Variants in WDR81 observed in about 807,000 individuals in gnomAD.
WDR81 encodes the protein WD repeat-containing protein 81.
Under a neutral mutation model 140.8 loss-of-function variants are expected in WDR81, and 92 were observed. That is an observed-to-expected ratio of 0.65 (90% CI 0.55 to 0.78). The LOEUF (loss-of-function observed/expected upper bound fraction) is 0.78. Ranked by LOEUF, WDR81 falls within the 30% of genes least tolerant of loss-of-function variation. The probability of loss-of-function intolerance (pLI) is 0.00; values close to 1 mark genes in which losing one functional copy is unlikely to be tolerated. For synonymous variants in WDR81, 1,183 were observed against 1,156.4 expected (o/e 1.02, Z -0.47); for missense variants, 2,502 against 2,636.4 (o/e 0.95, Z 1.12).
Position 1,724,832 on chromosome 17 carries a change from C to T in WDR81, c.-128C>T, listed in dbSNP as rs1250584809. The stretch of plus-strand genomic sequence containing the variant: ...CCTCTTCGCCGCCGCCGGCTTCCTG[C>T]GGCCGCCTCCGCCCCAGCCCCTGTC... On this transcript the variant is annotated 5_prime_UTR_variant, in exon 1 of 10. Transcript: ENST00000409644. 5.8e-6 allele frequency: 7 copies of T among 1,211,218 alleles called. No individual in the cohort carries two copies. Among genetic ancestry groups the T allele is most frequent in the Non-Finnish European group, 7.2e-6 (7 of 974,740 alleles). The allele number at this position is 1,211,218 out of a possible 1,614,324, so 75.0% of individuals were successfully genotyped here.
rs79989352 is a variant in WDR81, at chr17:1,718,852, C to T, written c.-124+2219C>T. Among the ~76,000 whole-genome samples, 1,299 of 152,284 alleles carry T rather than the reference C, an allele frequency of 8.5e-3. 18 individuals are homozygous for T. The highest frequency in any genetic ancestry group is 0.029 in the African/African-American group (1,215 of 41,534). On this transcript the variant is annotated intron_variant, in intron 1 of 10. Transcript: ENST00000309182. ...TTTTCCATTTTGTTCTGAACACTGA[C>T]CCCACCCCCTAGGTCAAAAGCACAG...
chr17:1,716,614 C>G (rs917056245), exon 1 of WDR81: 3 of 1,551,480 alleles, frequency 1.9e-6, no homozygotes, highest in African/African-American at 1.4e-5. Flanking sequence ...CACCGTCGTT[C>G]CCAGAACCCA....
chr17:1,731,246 C>G lies in WDR81; in HGVS notation c.4145C>G (p.Ser1382Cys). The change falls in exon 4 of 10, where the codon TCC becomes TGC. Residue 1382 changes from serine (S) to cysteine (C), a missense_variant. Physicochemically the swap from Ser to Cys is moderately radical, Grantham distance 112. Coordinates refer to ENST00000409644, the MANE Select transcript of WDR81 (RefSeq NM_001163809.2). ...CTGCCCGTGCTCAGCTTCCTCACCT[C>G]CCTCGTCACGGGGTAGGCCTCTGCC... is the stretch of plus-strand genomic sequence containing the variant. Reference protein sequence around the residue: ...VLLPVLSFLTSLVTGFPSGAQ... With the variant: ...VLLPVLSFLTCLVTGFPSGAQ... The G allele has an allele frequency of 6.2e-7, 1 of 1,613,294 alleles. No homozygotes were observed. Among genetic ancestry groups the G allele is most frequent in the African/African-American group, 1.3e-5 (1 of 75,050 alleles).
rs1373586101 is a variant in WDR81, at chr17:1,732,405, G to T, written c.4238G>T (p.Gly1413Val). ...SLIALICLRI[G>V]QEMVQQHLSE... ...ATCGCCCTCATCTGCCTGCGCATTG[G>T]ACAGGAGATGGTCCAGCAGCACCTG... Residue 1413 changes from glycine to valine, a missense_variant, in exon 5 of 10, where the codon GGA (glycine) becomes GTA (valine). Physicochemically the swap from Gly to Val is moderately radical, Grantham distance 109. Transcript: ENST00000409644. 6.2e-7 allele frequency: 1 copy of T among 1,613,642 alleles called. No homozygotes were observed. The highest frequency in any genetic ancestry group is 8.5e-7 in the Non-Finnish European group (1 of 1,180,034).
chr17:1,716,627 G>C, exon 1 of WDR81: 1 of 1,551,694 alleles, frequency 6.4e-7, no homozygotes, highest in Non-Finnish European at 8.7e-7. Flanking sequence ...AGAACCCAGC[G>C]CGCTCTGTGA....
In WDR81 at chr17:1,732,347, C is replaced by G; in HGVS notation, c.4180C>G (p.Arg1394Gly). ...VTGFPSGAQA[R>G]TILCVKTISL... Reference sequence around the variant, plus strand: ...CAGGTTCCCAAGTGGGGCCCAGGCTCGGACCATCCTGTGTGTGAAAACCAT... The same window carrying G: ...CAGGTTCCCAAGTGGGGCCCAGGCTGGGACCATCCTGTGTGTGAAAACCAT... The change falls in exon 5 of 10, where the codon CGG becomes GGG. Residue 1394 changes from arginine (R) to glycine (G), a missense_variant. Physicochemically the swap from Arg to Gly is moderately radical, Grantham distance 125. This residue lies in a region of WDR81 where 1,737 missense variants were observed against 1,843.0 expected (regional missense o/e 0.94). Transcript: ENST00000409644. 1 of 1,613,344 alleles carries G rather than the reference C, an allele frequency of 6.2e-7. No homozygotes were observed. The highest frequency in any genetic ancestry group is 8.5e-7 in the Non-Finnish European group (1 of 1,180,010).
intron 1 of WDR81, among the ~76,000 whole-genome samples, chr17:1,729,723 G>C (rs1351480994): frequency 3.3e-5 from 5 of 152,162 alleles, no homozygotes; most frequent in African/African-American, 1.2e-4. Context: ...AGCACTTTGG[G>C]AGGCTGAGGC....
At position 1,732,696 on chromosome 17, in the gene WDR81, G is replaced by T; in HGVS notation, c.4354G>T (p.Glu1452Ter). Residue 1452 changes from glutamate (E) to a stop codon, truncating the protein, a stop_gained, in exon 6 of 10, where the codon GAG (glutamate) becomes TAG (stop). Coordinates refer to ENST00000409644, the MANE Select transcript of WDR81 (RefSeq NM_001163809.2). LOFTEE classifies it high-confidence loss of function. ...GAAGCTGGACCCTGCGGGCCGTGGT[G>T]AGGGCCAGCTGCCACAGGTGGTCTT... ...DLKLDPAGRG[E>*]GQLPQVVFSD... 6.2e-7 allele frequency: 1 copy of T among 1,610,952 alleles called. No homozygotes were observed.
Position 1,735,797 on chromosome 17 carries a change from A to C in WDR81, c.5325+80A>C. ...GGAGGAGAGACTCCCCAAAAACAGA[A>C]AGCCAGGATGTTGTTCTGGGGCCCT... On this transcript the variant is annotated intron_variant, in intron 8 of 9. Coordinates refer to ENST00000409644, the MANE Select transcript of WDR81 (RefSeq NM_001163809.2). The surrounding 1 kb of genome is among the most constrained non-coding windows in gnomAD (Gnocchi z 4.2). 1 of 1,517,900 alleles carries C rather than the reference A, an allele frequency of 6.6e-7. No homozygotes were observed. The highest frequency in any genetic ancestry group is 8.9e-7 in the Non-Finnish European group (1 of 1,129,928). 94.0% of individuals were successfully genotyped at this position (1,517,900 alleles called of 1,614,324 possible). A position where few individuals can be genotyped will look rare whatever the true frequency, so the allele number is the denominator to read the frequency against.
chr17:1,732,032 G>T (rs924740520), intron 4 of WDR81, among the ~76,000 whole-genome samples: 2 of 151,832 alleles, frequency 1.3e-5, no homozygotes, highest in African/African-American at 4.8e-5. Flanking sequence ...TCAGGAGTTC[G>T]AGACCAGCCT....
chr17:1,725,052 C>T lies in WDR81; in HGVS notation c.93C>T (p.Leu31=), dbSNP rs1443073530. The T allele has an allele frequency of 6.7e-7, 1 of 1,483,040 alleles. No individual in the cohort carries two copies. Among genetic ancestry groups the T allele is most frequent in the East Asian group, 2.5e-5 (1 of 40,392 alleles). The allele number at this position is 1,483,040 out of a possible 1,614,324, so 91.9% of individuals were successfully genotyped here. A position where few individuals can be genotyped will look rare whatever the true frequency, so the allele number is the denominator to read the frequency against. Residue 31 remains leucine (L), a synonymous_variant, in exon 1 of 10, where the codon CTC becomes CTT. Transcript: ENST00000409644. ...CAAGCCCAGACATGCAGGAGCTGCT[C>T]CGGAGCGTGGAGAGGGACCTGAGCA... is the stretch of plus-strand genomic sequence containing the variant. ...SPPSPDMQEL[L]RSVERDLSID... is the part of the protein sequence containing the mutation.
At position 1,724,980 on chromosome 17, in the gene WDR81, G is replaced by A. The variant is rs113001863; in HGVS notation, c.21G>A (p.Gly7=). ...AGGAGATGGCCCAGGGCAGCGGGGG[G>A]CGGGAAGGCGCTCTCAGAACCCCGG... The part of the protein sequence containing the change: MAQGSG[G]REGALRTPAG... Residue 7 remains glycine, a synonymous_variant, in exon 1 of 10, where the codon GGG becomes GGA. Transcript: ENST00000409644. 2 of 1,458,630 alleles carry A rather than the reference G, an allele frequency of 1.4e-6. No individual in the cohort carries two copies. The highest frequency in any genetic ancestry group is 2.8e-5 in the South Asian group (2 of 70,686). The allele number at this position is 1,458,630 out of a possible 1,614,324, so 90.4% of individuals were successfully genotyped here.
At position 1,735,408 on chromosome 17, in the gene WDR81, G is replaced by A. The variant is rs1904771195; in HGVS notation, c.5180-164G>A. The stretch of plus-strand genomic sequence containing the variant: ...TGCACCACTGCACTCCAGCCTGGGC[G>A]ACAAAGCGAGACTCCATCTCAAAAA... On this transcript the variant is annotated intron_variant, in intron 7 of 9. Coordinates refer to ENST00000409644, the MANE Select transcript of WDR81 (RefSeq NM_001163809.2). The surrounding 1 kb of genome is among the most constrained non-coding windows in gnomAD (Gnocchi z 4.2). 6.6e-6 allele frequency among the ~76,000 whole-genome samples: 1 copy of A among 152,164 alleles called. No individual in the cohort carries two copies. Among genetic ancestry groups the A allele is most frequent in the Non-Finnish European group, 1.5e-5 (1 of 68,036 alleles).
intron 1 of WDR81, chr17:1,717,205 A>T (rs544816863): frequency 6.5e-6 from 1 of 153,972 alleles, no homozygotes; most frequent in Admixed American, 6.5e-5. Context: ...GAGACCAATG[A>T]GCAGGCTGCT....
upstream of WDR81, chr17:1,724,443 A>G: frequency 2.0e-6 from 2 of 979,304 alleles, no homozygotes; most frequent in Non-Finnish European, 2.4e-6. Flanking sequence ...CATCTCTGGG[A>G]ACAGCCTCCG....
rs149822478 is a variant in WDR81, at chr17:1,719,691, C to A, written c.-124+3058C>A. The stretch of plus-strand genomic sequence containing the variant: ...ACCAGCCTGGGCAACGTGGCAAGAC[C>A]CTCTTTAAAAAAAAAAAAAATTAAA... On this transcript the variant is annotated intron_variant, in intron 1 of 10. Coordinates refer to the WDR81 transcript ENST00000309182. Among the ~76,000 whole-genome samples the A allele has an allele frequency of 3.4e-3, 515 of 150,466 alleles. 3 individuals carry two copies. The highest frequency in any genetic ancestry group is 0.012 in the African/African-American group (473 of 40,918).
Position 1,732,408 on chromosome 17 carries a change from A to G in WDR81, c.4241A>G (p.Gln1414Arg), listed in dbSNP as rs745606359. 2.5e-6 allele frequency: 4 copies of G among 1,613,442 alleles called. No individual in the cohort carries two copies. The highest frequency in any genetic ancestry group is 1.3e-5 in the African/African-American group (1 of 74,902). The stretch of plus-strand genomic sequence containing the variant: ...GCCCTCATCTGCCTGCGCATTGGAC[A>G]GGAGATGGTCCAGCAGCACCTGAGC... Reference protein sequence around the residue: ...LIALICLRIGQEMVQQHLSEP... With the variant: ...LIALICLRIGREMVQQHLSEP... The change falls in exon 5 of 10, where the codon CAG becomes CGG. Residue 1414 changes from glutamine to arginine, a missense_variant. Physicochemically the swap from Gln to Arg is conservative, Grantham distance 43 (BLOSUM62 1). Around this residue, in one of 3 missense-constraint regions of WDR81, gnomAD observed 1,737 missense variants for 1,843.0 expected, o/e 0.94. Transcript: ENST00000409644.
chr17:1,735,956 G>C lies in WDR81; in HGVS notation c.5326-83G>C, dbSNP rs1198905926. On this transcript the variant is annotated intron_variant, in intron 8 of 9. Transcript: ENST00000409644. This position sits in a 1 kb window ranked among gnomAD's most constrained non-coding sequence, Gnocchi z 4.2. The stretch of plus-strand genomic sequence containing the variant: ...GGTCAGAGGCTCAGGCCTTCCTGCT[G>C]TGTGGGCTTGGGTGGTGGGCAGGGC... The C allele has an allele frequency of 5.9e-6, 9 of 1,512,652 alleles. No homozygotes were observed. The highest frequency in any genetic ancestry group is 7.9e-6 in the Non-Finnish European group (9 of 1,133,746). The allele number at this position is 1,512,652 out of a possible 1,614,324, so 93.7% of individuals were successfully genotyped here. A position where few individuals can be genotyped will look rare whatever the true frequency, so the allele number is the denominator to read the frequency against.
In WDR81 at chr17:1,726,244, G is replaced by T. The variant is rs941926076; in HGVS notation, c.1285G>T (p.Ala429Ser). The T allele has an allele frequency of 3.9e-6, 6 of 1,533,314 alleles. No homozygotes were observed. Among genetic ancestry groups the T allele is most frequent in the East Asian group, 4.9e-5 (2 of 40,704 alleles). 95.0% of individuals were successfully genotyped at this position (1,533,314 alleles called of 1,614,324 possible). The change falls in exon 1 of 10, where the codon GCG becomes TCG. Residue 429 changes from alanine to serine, a missense_variant. By Grantham distance (99) the Ala-to-Ser change is moderately conservative (BLOSUM62 1). Around this residue, in one of 3 missense-constraint regions of WDR81, gnomAD observed 218 missense variants for 279.6 expected, o/e 0.78. Coordinates refer to ENST00000409644, the MANE Select transcript of WDR81 (RefSeq NM_001163809.2). ...ACGGCAGGCATTCGTAGCAGGCGGG[G>T]CGGGCGGCGGGGAACCCCCTCATGT... Reference protein sequence around the residue: ...MTRQAFVAGGAGGGEPPHVPH... With the variant: ...MTRQAFVAGGSGGGEPPHVPH...
Sources: gnomAD v4.1 joint callset for allele counts (sites outside exome capture counted in the v4.1 genomes callset) on GRCh38, gnomAD v4.1.1 for gene constraint, gnomAD v4.1.1 regional missense constraint, Gnocchi (gnomAD v3.1) non-coding constraint, MANE v1.5 for transcripts, NCBI Gene and HGNC (gene_info 2026-07-23, HGNC 2026-07-21) for gene names.